Variants in DHX57 observed in about 807,000 individuals in gnomAD.
DHX57 encodes putative ATP-dependent RNA helicase DHX57.
Under a neutral mutation model 156.2 loss-of-function variants are expected in DHX57, and 105 were observed. The ratio of observed to expected loss-of-function variants is 0.67; its 90% CI spans 0.57 to 0.79. The LOEUF is 0.79. Ranked by LOEUF, DHX57 falls within the 30% of genes least tolerant of loss-of-function variation. DHX57 has a pLI of 0.00. For missense variants in DHX57, 1,847 were observed against 1,661.9 expected (o/e 1.11, Z -1.94); for synonymous variants, 704 against 595.6 (o/e 1.18, Z -2.65).
intron 13 of DHX57, among the ~76,000 whole-genome samples, chr2:38,832,157 C>T (rs1044220339): frequency 1.1e-4 from 17 of 151,870 alleles, no homozygotes; most frequent in Non-Finnish European, 2.5e-4. Flanking sequence ...AACCACACAG[C>T]GGGCCGGGTG....
chr2:38,799,750 CA>C (rs34097778), intron 23 of DHX57, among the ~76,000 whole-genome samples: 32,722 of 98,592 alleles, frequency 0.33, 4,008 homozygotes, highest in Admixed American at 0.36. Flanking sequence ...AACTCCATCT[CA>C]AAAAAAAAAA....
chr2:38,854,722 T>C (rs2373468), intron 8 of DHX57: 211,633 of 212,308 alleles, frequency 1, 105,486 homozygotes, highest in Middle Eastern at 1. Context: ...CCACCACACT[T>C]GGCTAATTTT....
In DHX57 at chr2:38,843,185, A is replaced by G; in HGVS notation, c.2245T>C (p.Tyr749His). The G allele has an allele frequency of 1.2e-6, 2 of 1,614,100 alleles. No individual in the cohort carries two copies. Among genetic ancestry groups the G allele is most frequent in the South Asian group, 1.1e-5 (1 of 91,074 alleles). ...TRYVLQDGSP[Y>H]MRSMKQISKE... ...GAAATCTGTTTCATGGACCGCATAT[A>G]TGGGCTCCCATCCTGTAATACATAC... Residue 749 changes from tyrosine (Y) to histidine (H), a missense_variant, in exon 12 of 24, where the codon TAT (tyrosine) becomes CAT (histidine). By Grantham distance (83) the Tyr-to-His change is moderately conservative. Coordinates refer to ENST00000457308, the MANE Select transcript of DHX57 (RefSeq NM_198963.3).
intron 13 of DHX57, among the ~76,000 whole-genome samples, chr2:38,832,883 T>C (rs1300136943): frequency 6.6e-6 from 1 of 152,134 alleles, no homozygotes; most frequent in African/African-American, 2.4e-5. Context: ...AATCATTACA[T>C]TCATTTATTC....
At chr2:38,852,743 T>G (rs915771255) in intron 9 of DHX57, among the ~76,000 whole-genome samples, 1 of 152,038 alleles carries the variant, frequency 6.6e-6, no homozygotes, top group African/African-American at 2.4e-5. Flanking sequence ...GCCTCCTCAG[T>G]AGCTGGAACT....
At chr2:38,824,100 C>A (rs1486194914) in intron 16 of DHX57, among the ~76,000 whole-genome samples, 1 of 151,628 alleles carries the variant, frequency 6.6e-6, no homozygotes, top group Non-Finnish European at 1.5e-5. Flanking sequence ...GATGTGGAAA[C>A]AACCTAAAAG....
intron 2 of DHX57, among the ~76,000 whole-genome samples, chr2:38,867,719 T>G (rs902583889): frequency 3.3e-5 from 5 of 152,090 alleles, no homozygotes; most frequent in African/African-American, 1.2e-4. Flanking sequence ...CCACCATGCC[T>G]GGCTAATTTT....
chr2:38,810,685 C>T, intron 21 of DHX57: 1 of 703,688 alleles, frequency 1.4e-6, no homozygotes, highest in Non-Finnish European at 2.6e-6. Context: ...GGCAAAGTCA[C>T]ACTGAGGGTT....
intron 17 of DHX57, among the ~76,000 whole-genome samples, chr2:38,819,652 C>T (rs1401083852): frequency 6.6e-6 from 1 of 152,158 alleles, no homozygotes. Context: ...GCCTGCCCAC[C>T]CAAAATAAGC....
chr2:38,851,072 CAA>C (rs879675011), intron 9 of DHX57, among the ~76,000 whole-genome samples: 3 of 133,800 alleles, frequency 2.2e-5, no homozygotes, highest in Non-Finnish European at 3.3e-5. Flanking sequence ...GACTTTGTTT[CAA>C]AAAAAAAAAA....
intron 9 of DHX57, among the ~76,000 whole-genome samples, chr2:38,849,196 C>T (rs1184394742): frequency 6.6e-6 from 1 of 152,122 alleles, no homozygotes; most frequent in Non-Finnish European, 1.5e-5. Flanking sequence ...ATAACAATAT[C>T]ATCCAGTCTA....
intron 2 of DHX57, among the ~76,000 whole-genome samples, chr2:38,865,049 C>A (rs1664993506): frequency 6.6e-6 from 1 of 152,176 alleles, no homozygotes; most frequent in Non-Finnish European, 1.5e-5. Flanking sequence ...TTCCAAAAAC[C>A]ACTCTCTTAG....
At chr2:38,823,292 A>C (rs1385223575) in intron 16 of DHX57, 23 bp from the exon 17 acceptor site, 3 of 1,596,196 alleles carry the variant, frequency 1.9e-6, no homozygotes, top group Admixed American at 3.4e-5. Context: ...CAAAATAATA[A>C]TTTGTCAATT....
chr2:38,799,930 G>A (rs1175894238), intron 23 of DHX57, among the ~76,000 whole-genome samples: 1 of 152,086 alleles, frequency 6.6e-6, no homozygotes, highest in Admixed American at 6.6e-5. Flanking sequence ...GCTCATGCCT[G>A]TAATCCCAGC....
intron 23 of DHX57, among the ~76,000 whole-genome samples, chr2:38,800,720 ATTGCAGCCCTTTCGATACCACT>A (rs1669642375): frequency 6.6e-6 from 1 of 152,156 alleles, no homozygotes; most frequent in Non-Finnish European, 1.5e-5. Flanking sequence ...GCCAGGAGCT[ATTGCAGCCCTTTCGATACCACT>A]AGGTTAACCA....
intron 19 of DHX57, among the ~76,000 whole-genome samples, chr2:38,816,544 G>A (rs956274223): frequency 6.6e-6 from 1 of 152,150 alleles, no homozygotes; most frequent in African/African-American, 2.4e-5. Flanking sequence ...GCTCCTTTTA[G>A]TGGCTGAGCA....
In DHX57 at chr2:38,868,299, C is replaced by A. The variant is rs1391216126; in HGVS notation, c.107G>T (p.Ser36Ile). ...ACCACCACCACCGCCACCGCCACCA[C>A]TCCCATGAGATTTACTGGCGTGACT... is the stretch of plus-strand genomic sequence containing the variant. ...GRSHASKSHG[S>I]GGGGGGGGGG... is the part of the protein sequence containing the mutation. Residue 36 changes from serine (S) to isoleucine (I), a missense_variant, in exon 2 of 24, where the codon AGT becomes ATT. Transcript: ENST00000457308. 1.2e-6 allele frequency: 2 copies of A among 1,614,060 alleles called. No homozygotes were observed.
In DHX57 at chr2:38,828,334, G is replaced by C. The variant is rs1348049952; in HGVS notation, c.2639+6C>G. 3 of 1,605,876 alleles carry C rather than the reference G, an allele frequency of 1.9e-6. No homozygotes were observed. The highest frequency in any genetic ancestry group is 2.7e-5 in the African/African-American group (2 of 74,578). On this transcript the variant is annotated splice_donor_region_variant and intron_variant, in intron 14 of 23. Coordinates refer to ENST00000457308, the MANE Select transcript of DHX57 (RefSeq NM_198963.3). ...TGATTAAGAATATAGAAAGCAATTA[G>C]CTTACCGATTACTACGTCTGTTGTT...
intron 17 of DHX57, among the ~76,000 whole-genome samples, chr2:38,822,265 G>C (rs1018448371): frequency 6.6e-6 from 1 of 151,946 alleles, no homozygotes. Context: ...ATTTTTAGTA[G>C]AGACGGGGTT....
Sources: gnomAD v4.1 joint callset for allele counts (sites outside exome capture counted in the v4.1 genomes callset) on GRCh38, gnomAD v4.1.1 for gene constraint, MANE v1.5 for transcripts, NCBI Gene and HGNC (gene_info 2026-07-23, HGNC 2026-07-21) for gene names.